ARHGEF37: variants seen among roughly 807,000 people sequenced by gnomAD.
ARHGEF37 encodes the protein Rho guanine nucleotide exchange factor (GEF) 37.
ARHGEF37 carries 55 observed loss-of-function variants against 71.1 expected under a neutral mutation model. The observed-to-expected ratio is 0.77, with a 90% CI of 0.62 to 0.97. The LOEUF is 0.97. ARHGEF37 is among the 50% of genes least tolerant of loss of function. The pLI is 0.00. For missense variants in ARHGEF37, 765 were observed against 836.8 expected (o/e 0.91, Z 1.06); for synonymous variants, 327 against 350.6 (o/e 0.93, Z 0.75).
At position 149,559,648 on chromosome 5, in the gene ARHGEF37, T is replaced by G. The variant is rs899715630; in HGVS notation, c.-12+7525T>G. Among the ~76,000 whole-genome samples the G allele has an allele frequency of 9.2e-5, 14 of 152,358 alleles. 1 individual carries two copies. The highest frequency in any genetic ancestry group is 2.9e-4 in the African/African-American group (12 of 41,592). On this transcript the variant is annotated intron_variant, in intron 1 of 2. Coordinates refer to the ARHGEF37 transcript ENST00000505810. Reference sequence around the variant, plus strand: ...ATGCTACTCTTCTTAAAATTCCTTGTATCATAAACAACAATTTCCAATTAT... The same window carrying G: ...ATGCTACTCTTCTTAAAATTCCTTGGATCATAAACAACAATTTCCAATTAT...
chr5:149,591,718 A>G (rs977363163), intron 1 of ARHGEF37, among the ~76,000 whole-genome samples: 5 of 152,222 alleles, frequency 3.3e-5, no homozygotes, highest in African/African-American at 1.2e-4. Context: ...GAGTACCCAT[A>G]CAACTATTCT....
chr5:149,621,614 C>T, intron 8 of ARHGEF37, 119 bp from the exon 9 acceptor site: 1 of 938,654 alleles, frequency 1.1e-6, no homozygotes, highest in Non-Finnish European at 1.6e-6. Flanking sequence ...GCTAAAGGTC[C>T]CAGCTAGTCA....
Position 149,618,159 on chromosome 5 carries a change from C to T in ARHGEF37, c.659-17C>T. 2 of 1,613,822 alleles carry T rather than the reference C, an allele frequency of 1.2e-6. No individual in the cohort carries two copies. Among genetic ancestry groups the T allele is most frequent in the Non-Finnish European group, 1.7e-6 (2 of 1,179,840 alleles). ...TTGGCTTGATCACCGTGCTTCCCCT[C>T]TTCTCTGTCGTTGCAGCCTCCAAGT... On this transcript the variant is annotated splice_polypyrimidine_tract_variant and intron_variant, in intron 5 of 12. Coordinates refer to ENST00000333677, the MANE Select transcript of ARHGEF37 (RefSeq NM_001001669.3).
rs1474566816 is a variant in ARHGEF37 at position 149,633,818 on chromosome 5, T to G, written c.*1627T>G. The G allele has an allele frequency of 6.6e-6, 1 of 152,178 alleles. No individual in the cohort carries two copies. The highest frequency in any genetic ancestry group is 2.1e-4 in the South Asian group (1 of 4,824). 9.4% of individuals were successfully genotyped at this position (152,178 alleles called of 1,614,324 possible). ...CTGTGTCAGTCTATAACTTGCCTCC[T>G]CTGGGCCTGTTAAAGCATGAAGACT... is the stretch of plus-strand genomic sequence containing the variant. On this transcript the variant is annotated 3_prime_UTR_variant, in exon 13 of 13. Transcript: ENST00000333677.
chr5:149,585,092 C>A (rs1763196408), intron 1 of ARHGEF37, among the ~76,000 whole-genome samples: 1 of 152,176 alleles, frequency 6.6e-6, no homozygotes, highest in South Asian at 2.1e-4. Flanking sequence ...ATTAAAACCA[C>A]AGTGAAATAT....
chr5:149,554,153 G>A (rs1762720892), intron 1 of ARHGEF37, among the ~76,000 whole-genome samples: 1 of 152,036 alleles, frequency 6.6e-6, no homozygotes, highest in African/African-American at 2.4e-5. Flanking sequence ...GGGCAAGAGA[G>A]TGAGACTTTG....
intron 12 of ARHGEF37, among the ~76,000 whole-genome samples, chr5:149,631,627 T>C (rs1752886999): frequency 6.6e-6 from 1 of 152,154 alleles, no homozygotes; most frequent in Non-Finnish European, 1.5e-5. Context: ...ATCAAAAATA[T>C]CTGTTTGGAG....
intron 3 of ARHGEF37, among the ~76,000 whole-genome samples, chr5:149,604,516 A>G (rs1352462211): frequency 6.6e-6 from 1 of 151,936 alleles, no homozygotes; most frequent in East Asian, 1.9e-4. Flanking sequence ...GTGGTTGCCA[A>G]AAAGAGGCCC....
Position 149,609,587 on chromosome 5 carries a change from T to A in ARHGEF37, c.350T>A (p.Val117Asp). ...GAATTCCAAGAGGAGTTGGAGCAAG[T>A]CTATAAGGTCTACTGTGCCAGCTAC... Reference protein sequence around the residue: ...FLEFQEELEQVYKVYCASYDQ... With the variant: ...FLEFQEELEQDYKVYCASYDQ... Residue 117 changes from valine (V) to aspartate (D), a missense_variant, in exon 4 of 13, where the codon GTC (valine) becomes GAC (aspartate). Physicochemically the swap from Val to Asp is radical, Grantham distance 152. Transcript: ENST00000333677. 1 of 1,613,956 alleles carries A rather than the reference T, an allele frequency of 6.2e-7. No individual in the cohort carries two copies. The highest frequency in any genetic ancestry group is 8.5e-7 in the Non-Finnish European group (1 of 1,180,010).
chr5:149,586,296 G>A (rs759309786), intron 1 of ARHGEF37, among the ~76,000 whole-genome samples: 1 of 152,178 alleles, frequency 6.6e-6, no homozygotes, highest in African/African-American at 2.4e-5. Flanking sequence ...ATGGAGTCTT[G>A]CTCTGTTGCT....
At chr5:149,596,353 G>T (rs1363878604) in intron 1 of ARHGEF37, among the ~76,000 whole-genome samples, 1 of 152,198 alleles carries the variant, frequency 6.6e-6, no homozygotes, top group Admixed American at 6.5e-5. Flanking sequence ...CACCCAGGCT[G>T]GAGGGCAGTG....
chr5:149,582,222 C>T (rs1763124403), intron 1 of ARHGEF37, among the ~76,000 whole-genome samples: 1 of 152,200 alleles, frequency 6.6e-6, no homozygotes, highest in East Asian at 1.9e-4. Flanking sequence ...TCTGGGGGTC[C>T]CTGACCCCTT....
At chr5:149,592,267 A>C (rs1002472728) in intron 1 of ARHGEF37, among the ~76,000 whole-genome samples, 1 of 152,236 alleles carries the variant, frequency 6.6e-6, no homozygotes, top group African/African-American at 2.4e-5. Context: ...CTGTCACCAC[A>C]AAGTTCTCTC....
At chr5:149,600,096 TATAA>T (rs907123633) in intron 2 of ARHGEF37, among the ~76,000 whole-genome samples, 1 of 152,204 alleles carries the variant, frequency 6.6e-6, no homozygotes, top group African/African-American at 2.4e-5. Context: ...GCTCCTAGGC[TATAA>T]GTGTGTTCAG....
rs569970343 is a variant in ARHGEF37 at position 149,616,879 on chromosome 5, A to T, written c.658+113A>T. 1.9e-5 allele frequency: 22 copies of T among 1,134,996 alleles called. No individual in the cohort carries two copies. The South Asian group carries it at 3.6e-4, about 19-fold the overall frequency. 70.3% of individuals were successfully genotyped at this position (1,134,996 alleles called of 1,614,324 possible). ...AGAATGTAGTGGCTTATGTAACTATAAATCCAGAGGTAATGCAAGCTTTAG... is the reference window on the plus strand; with the variant it reads ...AGAATGTAGTGGCTTATGTAACTATTAATCCAGAGGTAATGCAAGCTTTAG... On this transcript the variant is annotated intron_variant, in intron 5 of 12. Transcript: ENST00000333677.
At chr5:149,608,539 A>C (rs935607982) in intron 3 of ARHGEF37, among the ~76,000 whole-genome samples, 1 of 151,572 alleles carries the variant, frequency 6.6e-6, no homozygotes, top group African/African-American at 2.4e-5. Flanking sequence ...CACCCGGCTA[A>C]TTTTTGTATT....
rs181901460 is a variant in ARHGEF37, at chr5:149,569,838, C to T, written c.-12+17715C>T. ...GTTTCACTATGTTTGCCAGGCTGGT[C>T]TCCAACTCCTGACCTCAGATGATGT... On this transcript the variant is annotated intron_variant, in intron 1 of 2. Coordinates refer to the ARHGEF37 transcript ENST00000505810. Among the ~76,000 whole-genome samples the T allele has an allele frequency of 2.7e-3, 411 of 152,188 alleles. 2 individuals carry two copies. The highest frequency in any genetic ancestry group is 9.3e-3 in the African/African-American group (387 of 41,504).
chr5:149,586,291 G>C (rs755657322), intron 1 of ARHGEF37, among the ~76,000 whole-genome samples: 1 of 152,174 alleles, frequency 6.6e-6, no homozygotes, highest in African/African-American at 2.4e-5. Context: ...TTGAGATGGA[G>C]TCTTGCTCTG....
Position 149,627,057 on chromosome 5 carries a change from T to G in ARHGEF37, c.1465-19T>G. 6.3e-7 allele frequency: 1 copy of G among 1,598,614 alleles called. No individual in the cohort carries two copies. Among genetic ancestry groups the G allele is most frequent in the Non-Finnish European group, 8.5e-7 (1 of 1,171,236 alleles). On this transcript the variant is annotated intron_variant, in intron 10 of 12. Coordinates refer to ENST00000333677, the MANE Select transcript of ARHGEF37 (RefSeq NM_001001669.3). ...GTTTATTCAAGCACTTGTGTCTGTCTGTGCTCCTCCTCTCCCAGCCGCTCC... is the reference window on the plus strand; with the variant it reads ...GTTTATTCAAGCACTTGTGTCTGTCGGTGCTCCTCCTCTCCCAGCCGCTCC...
Sources: allele counts gnomAD v4.1 joint callset (sites outside exome capture counted in the v4.1 genomes callset), GRCh38; gene constraint gnomAD v4.1.1; transcripts MANE v1.5; gene names NCBI Gene and HGNC (gene_info 2026-07-23, HGNC 2026-07-21).